Variants in TADA2A observed in about 807,000 individuals in gnomAD.
The protein encoded by TADA2A is transcriptional adapter 2-alpha.
A neutral mutation model predicts 67.4 loss-of-function variants in TADA2A; 38 were observed. The observed-to-expected ratio is 0.56, with a 90% confidence interval of 0.44 to 0.74. The LOEUF is 0.74. Among genes scored for constraint, TADA2A ranks in the 30% least tolerant of loss-of-function variants. TADA2A has a pLI of 0.00. For missense variants in TADA2A, 454 were observed against 547.0 expected (o/e 0.83, Z 1.70); for synonymous variants, 192 against 181.6 (o/e 1.06, Z -0.46).
chr17:37,460,405 C>A (rs2053520484), intron 9 of TADA2A, among the ~76,000 whole-genome samples: 3 of 151,922 alleles, frequency 2.0e-5, no homozygotes, highest in Non-Finnish European at 2.9e-5. Context: ...GCCATCATGC[C>A]CAGCTAATTT....
In TADA2A at chr17:37,477,292, A is replaced by G. The variant is rs1301733422; in HGVS notation, c.*310A>G. The G allele has an allele frequency of 3.7e-6, 1 of 268,146 alleles. No individual in the cohort carries two copies. The highest frequency in any genetic ancestry group is 7.0e-6 in the Non-Finnish European group (1 of 142,702). 16.6% of individuals were successfully genotyped at this position (268,146 alleles called of 1,614,324 possible). A position where few individuals can be genotyped will look rare whatever the true frequency, so the allele number is the denominator to read the frequency against. ...TACCTCACATCACAGTGCTGGTAGAAATGGAACTAAACCACAGTCTGTAAT... is the reference window on the plus strand; with the variant it reads ...TACCTCACATCACAGTGCTGGTAGAGATGGAACTAAACCACAGTCTGTAAT... On this transcript the variant is annotated 3_prime_UTR_variant, in exon 16 of 16. Coordinates refer to ENST00000615182, the MANE Select transcript of TADA2A (RefSeq NM_001166105.3).
intron 3 of TADA2A, among the ~76,000 whole-genome samples, chr17:37,425,049 T>G (rs1462102979): frequency 6.6e-6 from 1 of 152,042 alleles, no homozygotes; most frequent in Non-Finnish European, 1.5e-5. Context: ...CCAGCTAATT[T>G]TTTATATTTT....
intron 4 of TADA2A, among the ~76,000 whole-genome samples, chr17:37,432,067 G>A (rs547219010): frequency 1.7e-4 from 25 of 151,480 alleles, no homozygotes; most frequent in Admixed American, 9.9e-4. Flanking sequence ...TTTTATCAGC[G>A]TAGATTGGTT....
chr17:37,444,565 T>A, intron 7 of TADA2A, 131 bp from the exon 8 acceptor site: 1 of 754,756 alleles, frequency 1.3e-6, no homozygotes, highest in East Asian at 2.5e-5. Flanking sequence ...TGTGGCCTTT[T>A]GCCATATTTA....
At chr17:37,464,808 C>T (rs1414646358) in intron 10 of TADA2A, among the ~76,000 whole-genome samples, 1 of 140,796 alleles carries the variant, frequency 7.1e-6, no homozygotes, top group East Asian at 2.1e-4. Flanking sequence ...CACTGCACTC[C>T]AGCCTGGGCC....
intron 9 of TADA2A, among the ~76,000 whole-genome samples, chr17:37,460,796 G>C (rs951876355): frequency 2.0e-5 from 3 of 152,226 alleles, no homozygotes; most frequent in East Asian, 3.9e-4. Context: ...TGTATTTACT[G>C]TGATGTTACT....
intron 3 of TADA2A, among the ~76,000 whole-genome samples, chr17:37,425,182 AAC>A: frequency 6.6e-6 from 1 of 152,250 alleles, no homozygotes; most frequent in African/African-American, 2.4e-5. Flanking sequence ...GCCCGGCCAT[AAC>A]ACTGTTTTTT....
In TADA2A at chr17:37,477,164, C is replaced by T. The variant is rs765695122; in HGVS notation, c.*182C>T. 10 of 597,104 alleles carry T rather than the reference C, an allele frequency of 1.7e-5. No homozygotes were observed. The highest frequency in any genetic ancestry group is 4.6e-4 in the Middle Eastern group (1 of 2,166). 37.0% of individuals were successfully genotyped at this position (597,104 alleles called of 1,614,324 possible). A position where few individuals can be genotyped will look rare whatever the true frequency, so the allele number is the denominator to read the frequency against. Reference sequence around the variant, plus strand: ...CTTCTCCATCCTGCTTTAAAACACTCCTGTTGTTGGTATTATGCTGCAGAG... The same window carrying T: ...CTTCTCCATCCTGCTTTAAAACACTTCTGTTGTTGGTATTATGCTGCAGAG... On this transcript the variant is annotated 3_prime_UTR_variant, in exon 16 of 16. Coordinates refer to ENST00000615182, the MANE Select transcript of TADA2A (RefSeq NM_001166105.3).
intron 2 of TADA2A, among the ~76,000 whole-genome samples, chr17:37,412,111 T>C (rs1361796952): frequency 3.3e-5 from 5 of 150,490 alleles, no homozygotes; most frequent in Non-Finnish European, 7.4e-5. Context: ...CTTGGGAGGC[T>C]GAGGCAGGAG....
intron 10 of TADA2A, 61 bp from the exon 11 acceptor site, chr17:37,465,370 G>T: frequency 3.2e-6 from 4 of 1,267,918 alleles, no homozygotes; most frequent in African/African-American, 1.5e-5. Flanking sequence ...AAAAAAAAAT[G>T]CTGAAAACTC....
intron 4 of TADA2A, among the ~76,000 whole-genome samples, chr17:37,434,524 A>T (rs1412204473): frequency 6.6e-6 from 1 of 152,198 alleles, no homozygotes; most frequent in Non-Finnish European, 1.5e-5. Context: ...TACAGTCTGG[A>T]TTCTGTTGAC....
chr17:37,448,591 C>T (rs1399029807), intron 8 of TADA2A, among the ~76,000 whole-genome samples: 2 of 151,934 alleles, frequency 1.3e-5, no homozygotes, highest in East Asian at 3.9e-4. Context: ...ATCTCTTTCC[C>T]CATCTCCTTT....
At chr17:37,441,784 A>T (rs146824210) in intron 6 of TADA2A, among the ~76,000 whole-genome samples, 1 of 151,580 alleles carries the variant, frequency 6.6e-6, no homozygotes, top group African/African-American at 2.4e-5. Context: ...CTCGTGCCTC[A>T]GCCTCCTGAG....
rs779585554 is a variant in TADA2A at position 37,423,658 on chromosome 17, A to G, written c.132+43A>G. 5.7e-6 allele frequency: 8 copies of G among 1,410,362 alleles called. No individual in the cohort carries two copies. In the African/African-American group the frequency reaches 1.0e-4, roughly 18 times the overall value. 87.4% of individuals were successfully genotyped at this position (1,410,362 alleles called of 1,614,324 possible). A position where few individuals can be genotyped will look rare whatever the true frequency, so the allele number is the denominator to read the frequency against. Reference sequence around the variant, plus strand: ...GCTTCTCCTAGCCTAGTTTTATGCTATTTTTTATGATGTAATATTTCGGAG... The same window carrying G: ...GCTTCTCCTAGCCTAGTTTTATGCTGTTTTTTATGATGTAATATTTCGGAG... On this transcript the variant is annotated intron_variant, in intron 3 of 15. Transcript: ENST00000615182.
chr17:37,425,071 G>A (rs2052365011), intron 3 of TADA2A, among the ~76,000 whole-genome samples: 1 of 151,834 alleles, frequency 6.6e-6, no homozygotes, highest in African/African-American at 2.4e-5. Flanking sequence ...GGTAGAGATG[G>A]GGTTTTCTCA....
At chr17:37,463,189 TCTTCCACAACATAGAGG>T (rs1333032417) in intron 10 of TADA2A, among the ~76,000 whole-genome samples, 1 of 152,170 alleles carries the variant, frequency 6.6e-6, no homozygotes, top group Non-Finnish European at 1.5e-5. Context: ...TACTTTTTCT[TCTTCCACAACATAGAGG>T]CTTCCACAAC....
intron 8 of TADA2A, among the ~76,000 whole-genome samples, chr17:37,457,610 C>T (rs1261891624): frequency 6.6e-6 from 1 of 150,406 alleles, no homozygotes; most frequent in African/African-American, 2.5e-5. Context: ...GATTCTCCCA[C>T]CTCAGCCTCC....
At chr17:37,425,073 G>C (rs540738409) in intron 3 of TADA2A, among the ~76,000 whole-genome samples, 7 of 151,308 alleles carry the variant, frequency 4.6e-5, no homozygotes, top group African/African-American at 1.7e-4. Context: ...TAGAGATGGG[G>C]TTTTCTCATG....
rs1455626187 is a variant in TADA2A at position 37,456,183 on chromosome 17, G to A, written c.605-2341G>A. Among the ~76,000 whole-genome samples the A allele has an allele frequency of 3.9e-5, 6 of 152,168 alleles. No individual in the cohort carries two copies. In the East Asian group the frequency reaches 1.2e-3, roughly 29 times the overall value. On this transcript the variant is annotated intron_variant, in intron 8 of 15. Transcript: ENST00000615182. ...CCCCTGCACTCCAGCCTGGGCAACA[G>A]AGCGAGACTCCATCTCAAAAAAAGA...
Sources: gnomAD v4.1 joint callset for allele counts (sites outside exome capture counted in the v4.1 genomes callset) on GRCh38, gnomAD v4.1.1 for gene constraint, MANE v1.5 for transcripts, NCBI Gene and HGNC (gene_info 2026-07-23, HGNC 2026-07-21) for gene names.